TMEM97: variants seen among roughly 807,000 people sequenced by gnomAD.
TMEM97 encodes the protein sigma intracellular receptor 2.
TMEM97 carries 13 observed loss-of-function variants against 18.3 expected under a neutral mutation model. That is an observed-to-expected ratio of 0.71 (90% CI 0.46 to 1.13). The LOEUF is 1.13. Among genes scored for constraint, TMEM97 ranks in the 50% most tolerant of loss-of-function variants. The pLI, the probability that TMEM97 is intolerant of heterozygous loss-of-function variation, is 0.00. For synonymous variants in TMEM97, 76 were observed against 85.3 expected (o/e 0.89, Z 0.60); for missense variants, 205 against 210.5 (o/e 0.97, Z 0.16).
chr17:28,319,302 C>T lies in TMEM97; in HGVS notation c.63C>T (p.His21=), dbSNP rs543526665. 42 of 1,611,730 alleles carry T rather than the reference C, an allele frequency of 2.6e-5. No homozygotes were observed. In the East Asian group the frequency reaches 8.5e-4, roughly 33 times the overall value. The change falls in exon 1 of 3, where the codon CAC becomes CAT. Residue 21 remains histidine, a synonymous_variant. Coordinates refer to ENST00000226230, the MANE Select transcript of TMEM97 (RefSeq NM_014573.3). ...EWLLGLYFLS[H]IPITLFMDLQ... is the part of the protein sequence containing the mutation. ...TGCTGGGCCTCTACTTCCTCAGCCA[C>T]ATCCCCATCACCCTGTTCATGGACC...
chr17:28,324,158 A>G (rs1312778073), intron 1 of TMEM97, among the ~76,000 whole-genome samples: 3 of 152,220 alleles, frequency 2.0e-5, no homozygotes, highest in Non-Finnish European at 4.4e-5. Flanking sequence ...ACAGTGACTT[A>G]GCCTTTGTGT....
chr17:28,319,600 C>T (rs1906064382), intron 1 of TMEM97: 3 of 439,778 alleles, frequency 6.8e-6, no homozygotes, highest in South Asian at 5.3e-5. Flanking sequence ...TTTAAAGTCA[C>T]TTCTTCCCTG....
At chr17:28,324,962 C>A (rs1906275709) in intron 1 of TMEM97, among the ~76,000 whole-genome samples, 1 of 150,896 alleles carries the variant, frequency 6.6e-6, no homozygotes. Context: ...TTCACTCCCA[C>A]CCCCACCCCG....
intron 1 of TMEM97, among the ~76,000 whole-genome samples, chr17:28,321,403 T>C (rs2142154972): frequency 6.6e-6 from 1 of 152,342 alleles, no homozygotes; most frequent in African/African-American, 2.4e-5. Flanking sequence ...CATCATATCA[T>C]AAAGATCCCA....
chr17:28,324,971 C>T (rs900556259), intron 1 of TMEM97, among the ~76,000 whole-genome samples: 3 of 151,734 alleles, frequency 2.0e-5, no homozygotes, highest in East Asian at 3.9e-4. Context: ...ACCCCCACCC[C>T]GCAAAAAGAA....
chr17:28,326,631 C>A lies in TMEM97; in HGVS notation c.369C>A (p.Phe123Leu). 6.2e-7 allele frequency: 1 copy of A among 1,614,070 alleles called. No homozygotes were observed. Among genetic ancestry groups the A allele is most frequent in the East Asian group, 2.2e-5 (1 of 44,900 alleles). ...PILSTFLFED[F>L]SKASGFKGQR... ...TCTCCACATTTCTGTTTGAGGATTT[C>A]TCCAAAGCCAGTGGTTTCAAGGGAC... The change falls in exon 3 of 3, where the codon TTC (phenylalanine) becomes TTA (leucine). Residue 123 changes from phenylalanine to leucine, a missense_variant. Coordinates refer to ENST00000226230, the MANE Select transcript of TMEM97 (RefSeq NM_014573.3).
intron 2 of TMEM97, 135 bp downstream of exon 2, chr17:28,325,782 C>G: frequency 1.6e-6 from 2 of 1,248,058 alleles, no homozygotes. Flanking sequence ...GGGTAAATAG[C>G]CAGGGTAGAT....
At chr17:28,324,771 C>A (rs1906269525) in intron 1 of TMEM97, 1 of 152,184 alleles carries the variant, frequency 6.6e-6, no homozygotes, top group East Asian at 1.9e-4. Flanking sequence ...CGCTAAAACC[C>A]TGCATAACCA....
chr17:28,322,499 C>T (rs1436370630), intron 1 of TMEM97, among the ~76,000 whole-genome samples: 1 of 152,090 alleles, frequency 6.6e-6, no homozygotes, highest in Non-Finnish European at 1.5e-5. Flanking sequence ...ATGCCTCAGC[C>T]TCCCAAAGTG....
chr17:28,325,584 C>T lies in TMEM97; in HGVS notation c.208C>T (p.Leu70=), dbSNP rs1906301606. 6.2e-7 allele frequency: 1 copy of T among 1,614,098 alleles called. No homozygotes were observed. The highest frequency in any genetic ancestry group is 8.5e-7 in the Non-Finnish European group (1 of 1,180,040). The change falls in exon 2 of 3, where the codon CTG becomes TTG. Residue 70 remains leucine (L), a synonymous_variant. Transcript: ENST00000226230. ...QEPPAWFKSF[L]FCELVFQLPF... ...GCCCCCAGCCTGGTTTAAGTCCTTT[C>T]TGTTTTGCGAGCTTGTGTTTCAGCT...
At chr17:28,321,800 CTGTGTGTGTG>C (rs538038865) in intron 1 of TMEM97, among the ~76,000 whole-genome samples, 54 of 132,296 alleles carry the variant, frequency 4.1e-4, no homozygotes, top group South Asian at 1.9e-3. Context: ...TGGCCAGAAC[CTGTGTGTGTG>C]TGTGTGTGTG....
At chr17:28,324,897 T>C (rs1212268310) in intron 1 of TMEM97, among the ~76,000 whole-genome samples, 1 of 152,176 alleles carries the variant, frequency 6.6e-6, no homozygotes, top group Non-Finnish European at 1.5e-5. Context: ...GTTTGTCATA[T>C]TGGAATTAAA....
At position 28,327,035 on chromosome 17, in the gene TMEM97, G is replaced by A. The variant is rs557035057; in HGVS notation, c.*242G>A. On this transcript the variant is annotated 3_prime_UTR_variant, in exon 3 of 3. Coordinates refer to ENST00000226230, the MANE Select transcript of TMEM97 (RefSeq NM_014573.3). Reference sequence around the variant, plus strand: ...GAGTAAAGGGCAGTGGCATGATCTCGGCTCACTGCAACCTCCGCCTCCTGG... The same window carrying A: ...GAGTAAAGGGCAGTGGCATGATCTCAGCTCACTGCAACCTCCGCCTCCTGG... 12 of 479,418 alleles carry A rather than the reference G, an allele frequency of 2.5e-5. No individual in the cohort carries two copies. The highest frequency in any genetic ancestry group is 5.0e-5 in the South Asian group (2 of 39,784). The allele number at this position is 479,418 out of a possible 1,614,324, so 29.7% of individuals were successfully genotyped here.
rs782666043 is a variant in TMEM97 at position 28,319,233 on chromosome 17, A to G, written c.-7A>G. 6.2e-7 allele frequency: 1 copy of G among 1,601,806 alleles called. No homozygotes were observed. The highest frequency in any genetic ancestry group is 1.7e-5 in the Admixed American group (1 of 58,862). On this transcript the variant is annotated 5_prime_UTR_variant, in exon 1 of 3. Coordinates refer to ENST00000226230, the MANE Select transcript of TMEM97 (RefSeq NM_014573.3). ...ACATCAGCGGGTCCAGGCCCAACCG[A>G]CAGACTATGGGGGCTCCGGCAACCA...
intron 1 of TMEM97, 47 bp downstream of exon 1, chr17:28,319,412 C>G: frequency 6.6e-7 from 1 of 1,524,636 alleles, no homozygotes; most frequent in Non-Finnish European, 8.8e-7. Context: ...TCTCCCGGCG[C>G]TGCGTCCACA....
chr17:28,324,784 A>G (rs1906269979), intron 1 of TMEM97: 1 of 152,192 alleles, frequency 6.6e-6, no homozygotes. Flanking sequence ...CATAACCAAG[A>G]AGCTACTAGG....
intron 1 of TMEM97, among the ~76,000 whole-genome samples, chr17:28,323,502 C>T (rs1359988215): frequency 2.0e-5 from 3 of 151,464 alleles, no homozygotes; most frequent in African/African-American, 4.9e-5. Context: ...TCGATCTCGG[C>T]TCACTGCAAC....
At chr17:28,320,672 G>T (rs1906107187) in intron 1 of TMEM97, among the ~76,000 whole-genome samples, 1 of 152,180 alleles carries the variant, frequency 6.6e-6, no homozygotes, top group African/African-American at 2.4e-5. Context: ...AGATTTATTT[G>T]TTTACAGTTC....
At chr17:28,319,944 A>G (rs557761002) in intron 1 of TMEM97, among the ~76,000 whole-genome samples, 30 of 152,322 alleles carry the variant, frequency 2.0e-4, no homozygotes, top group Admixed American at 6.5e-4. Flanking sequence ...TCGAGTAACA[A>G]TGATCTCCTG....
Sources: allele counts gnomAD v4.1 joint callset (sites outside exome capture counted in the v4.1 genomes callset), GRCh38; gene constraint gnomAD v4.1.1; transcripts MANE v1.5; gene names NCBI Gene and HGNC (gene_info 2026-07-23, HGNC 2026-07-21).